The following PCDHA3 variants were observed in gnomAD, a reference collection of about 807,000 sequenced individuals.
PCDHA3 encodes the protein protocadherin alpha-3.
In PCDHA3, 41 loss-of-function variants were observed where a neutral mutation model predicts 62.2. The ratio of observed to expected loss-of-function variants is 0.66; its 90% CI spans 0.51 to 0.86. The LOEUF is 0.86. Among genes scored for constraint, PCDHA3 ranks in the 40% least tolerant of loss-of-function variants. PCDHA3 has a pLI of 0.00. For missense variants in PCDHA3, 1,304 were observed against 1,241.2 expected (o/e 1.05, Z -0.76); for synonymous variants, 640 against 555.4 (o/e 1.15, Z -2.14).
At chr5:140,893,881 C>T (rs1385683702) in intron 1 of PCDHA3, among the ~76,000 whole-genome samples, 1 of 152,066 alleles carries the variant, frequency 6.6e-6, no homozygotes, top group Non-Finnish European at 1.5e-5. Flanking sequence ...TCCAAAGTGG[C>T]CAGAAAGTTA....
rs1768129627 is a variant in PCDHA3, at chr5:140,824,465, T to C, written c.2394+20874T>C. 3 of 423,268 alleles carry C rather than the reference T, an allele frequency of 7.1e-6. No homozygotes were observed. In the South Asian group the frequency reaches 1.0e-4, roughly 14 times the overall value. The allele number at this position is 423,268 out of a possible 1,614,324, so 26.2% of individuals were successfully genotyped here. A position where few individuals can be genotyped will look rare whatever the true frequency, so the allele number is the denominator to read the frequency against. ...TATGACTACATGAAAATTTATTTTA[T>C]TTTATTGTTATTTTTTAGAGACCCT... On this transcript the variant is annotated intron_variant, in intron 1 of 3. Transcript: ENST00000522353.
rs1443735818 is a variant in PCDHA3, at chr5:140,849,722, G to A, written c.2394+46131G>A. The A allele has an allele frequency of 7.5e-6, 12 of 1,598,448 alleles. 1 individual carries two copies. The highest frequency in any genetic ancestry group is 9.4e-6 in the Non-Finnish European group (11 of 1,167,996). On this transcript the variant is annotated intron_variant, in intron 1 of 3. Coordinates refer to ENST00000522353, the MANE Select transcript of PCDHA3 (RefSeq NM_018906.3). ...ACAAGAATTACTACTCGTTGGTGCT[G>A]GACAGAGCTCTGGACCGCGAGAGTG...
chr5:140,975,861 T>G (rs782026072), intron 1 of PCDHA3, among the ~76,000 whole-genome samples: 8 of 152,192 alleles, frequency 5.3e-5, no homozygotes, highest in Non-Finnish European at 8.8e-5. Flanking sequence ...ATCACCCATA[T>G]GGACTACCTA....
At chr5:140,868,341 T>C (rs1554161894) in intron 1 of PCDHA3, 1 of 152,158 alleles carries the variant, frequency 6.6e-6, no homozygotes, top group African/African-American at 2.4e-5. Flanking sequence ...AAGTCACTTA[T>C]AATCAGAAAG....
chr5:140,823,029 G>T, intron 1 of PCDHA3: 1 of 1,614,222 alleles, frequency 6.2e-7, no homozygotes, highest in African/African-American at 1.3e-5. Flanking sequence ...AGAGCGTGTC[G>T]GTCTATGAGC....
chr5:140,877,242 G>A, intron 1 of PCDHA3: 1 of 1,613,732 alleles, frequency 6.2e-7, no homozygotes, highest in Non-Finnish European at 8.5e-7. Flanking sequence ...CGGGCCACGT[G>A]GTGGCGAAAG....
chr5:140,875,349 CTG>C, intron 1 of PCDHA3: 1 of 1,444,894 alleles, frequency 6.9e-7, no homozygotes, highest in Non-Finnish European at 9.1e-7. Context: ...TCCATAATGA[CTG>C]TGATGCTGGA....
chr5:140,877,647 G>A, intron 1 of PCDHA3: 2 of 1,613,510 alleles, frequency 1.2e-6, no homozygotes, highest in South Asian at 1.1e-5. Flanking sequence ...GTTGCTCAGC[G>A]CCGCCCACCG....
chr5:140,863,769 C>T (rs1032568276), intron 1 of PCDHA3: 6 of 236,858 alleles, frequency 2.5e-5, no homozygotes, highest in African/African-American at 1.1e-4. Context: ...GAAGCCGAGG[C>T]GGGCGGATCA....
chr5:140,884,766 T>G, intron 1 of PCDHA3: 1 of 1,416,492 alleles, frequency 7.1e-7, no homozygotes, highest in Non-Finnish European at 9.3e-7. Context: ...TTCTTTACTT[T>G]AATTTTAATT....
intron 1 of PCDHA3, chr5:140,809,159 G>A (rs146303235): frequency 1.6e-5 from 26 of 1,613,942 alleles, no homozygotes; most frequent in Non-Finnish European, 2.1e-5. Flanking sequence ...CGGCGAGCCC[G>A]CGCTGACGGC....
intron 1 of PCDHA3, chr5:140,849,778 G>C (rs2150449659): frequency 1.9e-6 from 3 of 1,598,508 alleles, no homozygotes; most frequent in Non-Finnish European, 2.6e-6. Context: ...GTTACCGCGC[G>C]GGACGGGGGC....
At chr5:140,840,678 T>G (rs1381034670) in intron 1 of PCDHA3, among the ~76,000 whole-genome samples, 1 of 152,018 alleles carries the variant, frequency 6.6e-6, no homozygotes, top group Non-Finnish European at 1.5e-5. Context: ...TTTTATTACT[T>G]TAGTAAATAA....
At position 140,850,397 on chromosome 5, in the gene PCDHA3, G is replaced by C. The variant is rs143469399; in HGVS notation, c.2394+46806G>C. ...TGTACACGGGCGAGATCAGCACAAC[G>C]CGTGCCCTGGACGAAACGGACGCAC... On this transcript the variant is annotated intron_variant, in intron 1 of 3. Transcript: ENST00000522353. 45 of 1,597,958 alleles carry C rather than the reference G, an allele frequency of 2.8e-5. 5 individuals are homozygous for C. In the African/African-American group the frequency reaches 5.4e-4, roughly 19 times the overall value.
rs2150246964 is a variant in PCDHA3, at chr5:140,835,869, G to A, written c.2394+32278G>A. On this transcript the variant is annotated intron_variant, in intron 1 of 3. Transcript: ENST00000522353. ...CGCGCTGGTGTCCTACTCGCTGGTG[G>A]AGCTGCGGGTGGGCGAGCGCGCGCT... The A allele has an allele frequency of 6.8e-6, 11 of 1,611,976 alleles. No individual in the cohort carries two copies. The African/African-American group carries it at 1.3e-4, about 20-fold the overall frequency.
In PCDHA3 at chr5:140,830,423, C is replaced by T. The variant is rs2150186297; in HGVS notation, c.2394+26832C>T. 29 of 1,613,982 alleles carry T rather than the reference C, an allele frequency of 1.8e-5. 1 individual carries two copies. The Middle Eastern group carries it at 2.0e-3, about 110-fold the overall frequency. ...CATGGCCTTTAGCCCCAGCCTTTCACCTTGTCCTATTATGATGGGTAAGGC... is the reference window on the plus strand; with the variant it reads ...CATGGCCTTTAGCCCCAGCCTTTCATCTTGTCCTATTATGATGGGTAAGGC... On this transcript the variant is annotated intron_variant, in intron 1 of 3. Transcript: ENST00000522353.
chr5:140,881,596 T>G (rs1420240994), intron 1 of PCDHA3, among the ~76,000 whole-genome samples: 1 of 152,240 alleles, frequency 6.6e-6, no homozygotes, highest in African/African-American at 2.4e-5. Flanking sequence ...GGAAATTTAT[T>G]AATATGATGT....
chr5:140,808,636 C>A, intron 1 of PCDHA3: 1 of 1,613,522 alleles, frequency 6.2e-7, no homozygotes, highest in Admixed American at 1.7e-5. Context: ...GGGACGCGGA[C>A]GCGCAGGAGA....
chr5:140,879,894 T>C (rs2153369518), intron 1 of PCDHA3, among the ~76,000 whole-genome samples: 1 of 152,348 alleles, frequency 6.6e-6, no homozygotes. Context: ...CTCCTCTCCA[T>C]GTCTCTCTCT....
Sources: gnomAD v4.1 joint callset for allele counts (sites outside exome capture counted in the v4.1 genomes callset) on GRCh38, gnomAD v4.1.1 for gene constraint, MANE v1.5 for transcripts, NCBI Gene and HGNC (gene_info 2026-07-23, HGNC 2026-07-21) for gene names.